Variants in INPP4B observed in about 807,000 individuals in gnomAD.
The protein encoded by INPP4B is inositol polyphosphate-4-phosphatase type II B.
A neutral mutation model predicts 122.5 loss-of-function variants in INPP4B; 55 were observed. The observed-to-expected ratio is 0.45, with a 90% CI of 0.36 to 0.56. The LOEUF (loss-of-function observed/expected upper bound fraction) is 0.56, where lower values mean the gene tolerates loss of function less well. Ranked by LOEUF, INPP4B falls within the 20% of genes least tolerant of loss-of-function variation. The pLI, the probability that INPP4B is intolerant of heterozygous loss-of-function variation, is 0.00. For synonymous variants in INPP4B, 403 were observed against 388.7 expected (o/e 1.04, Z -0.43); for missense variants, 1,000 against 1,097.7 (o/e 0.91, Z 1.26).
intron 2 of INPP4B, chr4:142,560,316 C>T (rs1730178435): frequency 6.6e-6 from 1 of 152,192 alleles, no homozygotes; most frequent in Admixed American, 6.5e-5. Flanking sequence ...AATCAGGCTC[C>T]TCTGTGGAAT....
intron 2 of INPP4B, among the ~76,000 whole-genome samples, chr4:142,662,379 A>G (rs1461350705): frequency 6.6e-6 from 1 of 152,158 alleles, no homozygotes; most frequent in East Asian, 1.9e-4. Context: ...CACCTATATT[A>G]CCTTTGAGGT....
chr4:142,033,664 TTTCA>T (rs1356779033), intron 25 of INPP4B, among the ~76,000 whole-genome samples: 2 of 109,878 alleles, frequency 1.8e-5, no homozygotes, highest in South Asian at 3.0e-4. Context: ...AAGTTCTCCA[TTTCA>T]TTTTTTTTTT....
chr4:142,036,147 T>C (rs1166525908), intron 25 of INPP4B, among the ~76,000 whole-genome samples: 2 of 151,998 alleles, frequency 1.3e-5, no homozygotes, highest in Non-Finnish European at 2.9e-5. Flanking sequence ...TAATTGAAAA[T>C]GTGGGGTATT....
intron 2 of INPP4B, among the ~76,000 whole-genome samples, chr4:142,581,548 C>A (rs1276045207): frequency 2.9e-5 from 1 of 34,194 alleles, no homozygotes; most frequent in Admixed American, 3.8e-4. Context: ...ATAGAAGTTC[C>A]ATTTCTATCT....
chr4:142,823,060 C>A (rs780919976), intron 1 of INPP4B, among the ~76,000 whole-genome samples: 2 of 152,128 alleles, frequency 1.3e-5, no homozygotes, highest in African/African-American at 4.8e-5. Context: ...GGGTGACACA[C>A]TGGCAGTAAA....
intron 7 of INPP4B, among the ~76,000 whole-genome samples, chr4:142,342,973 C>G (rs1049800605): frequency 2.6e-4 from 40 of 152,062 alleles, no homozygotes; most frequent in Admixed American, 2.6e-3. Flanking sequence ...TAAGTGAATG[C>G]TATCATAAAG....
intron 1 of INPP4B, among the ~76,000 whole-genome samples, chr4:142,824,793 C>A (rs1290640048): frequency 7.1e-6 from 1 of 141,144 alleles, no homozygotes; most frequent in African/African-American, 3.0e-5. Context: ...TAAAAAGGAT[C>A]CTTTTTTGTT....
chr4:142,643,870 T>C (rs1438249534), intron 2 of INPP4B, among the ~76,000 whole-genome samples: 1 of 152,124 alleles, frequency 6.6e-6, no homozygotes, highest in South Asian at 2.1e-4. Flanking sequence ...TCAAGAAAAC[T>C]GAAACAATAG....
At chr4:142,762,108 A>G (rs1253063841) in intron 1 of INPP4B, among the ~76,000 whole-genome samples, 1 of 152,130 alleles carries the variant, frequency 6.6e-6, no homozygotes, top group Non-Finnish European at 1.5e-5. Flanking sequence ...AAATGCCCAC[A>G]CACCAGGCTT....
intron 1 of INPP4B, among the ~76,000 whole-genome samples, chr4:142,837,159 AAATAATAAT>A (rs150797757): frequency 9.5e-4 from 141 of 149,068 alleles, no homozygotes; most frequent in Non-Finnish European, 9.0e-4. Context: ...ACAGTCTCAA[AAATAATAAT>A]AATAATAATA....
At chr4:142,549,400 G>T (rs906146245) in intron 2 of INPP4B, among the ~76,000 whole-genome samples, 10 of 152,110 alleles carry the variant, frequency 6.6e-5, no homozygotes, top group African/African-American at 2.2e-4. Flanking sequence ...GTCCAGAGAA[G>T]ATTTAGGAGA....
At chr4:142,670,921 A>G (rs1053151968) in intron 2 of INPP4B, among the ~76,000 whole-genome samples, 1 of 152,140 alleles carries the variant, frequency 6.6e-6, no homozygotes, top group African/African-American at 2.4e-5. Flanking sequence ...AGTTCATACA[A>G]TTTTATCTAT....
chr4:142,239,494 ATATT>A (rs1858231159), intron 11 of INPP4B, among the ~76,000 whole-genome samples: 2 of 152,178 alleles, frequency 1.3e-5, no homozygotes, highest in African/African-American at 2.4e-5. Flanking sequence ...TACAGAATAT[ATATT>A]TAGAGTTCAT....
At chr4:142,584,459 C>G (rs116364033) in intron 2 of INPP4B, among the ~76,000 whole-genome samples, 2,146 of 152,258 alleles carry the variant, frequency 0.014, 40 homozygotes, top group African/African-American at 0.041. Flanking sequence ...CCTCTTGTCT[C>G]TGACTTTCTC....
intron 1 of INPP4B, among the ~76,000 whole-genome samples, chr4:142,819,231 T>C (rs949010614): frequency 6.6e-6 from 1 of 152,164 alleles, no homozygotes; most frequent in African/African-American, 2.4e-5. Context: ...ACAATTTCCC[T>C]TTCAAAGACA....
rs1167559725 is a variant in INPP4B at position 142,145,710 on chromosome 4, G to A, written c.1720+130C>T. On this transcript the variant is annotated intron_variant, in intron 18 of 25. Coordinates refer to ENST00000262992, the MANE Select transcript of INPP4B (RefSeq NM_001101669.3). ...GCCTTCCATCATCCAAGCCAGAGCA[G>A]TGGAAAAGCATGCTATCAGCACTCT... 8.2e-6 allele frequency: 7 copies of A among 854,170 alleles called. No homozygotes were observed. In the South Asian group the frequency reaches 1.2e-4, roughly 15 times the overall value. 52.9% of individuals were successfully genotyped at this position (854,170 alleles called of 1,614,324 possible). A position where few individuals can be genotyped will look rare whatever the true frequency, so the allele number is the denominator to read the frequency against.
chr4:142,721,154 A>C (rs1249263165), intron 2 of INPP4B, among the ~76,000 whole-genome samples: 1 of 151,932 alleles, frequency 6.6e-6, no homozygotes, highest in Non-Finnish European at 1.5e-5. Flanking sequence ...CAATTCCCTC[A>C]AAGACTTTAG....
intron 7 of INPP4B, among the ~76,000 whole-genome samples, chr4:142,396,437 T>C (rs1799399939): frequency 6.6e-6 from 1 of 151,948 alleles, no homozygotes; most frequent in Non-Finnish European, 1.5e-5. Flanking sequence ...CCCACTAAAA[T>C]AGCTAAGTGG....
chr4:142,208,488 A>G lies in INPP4B; in HGVS notation c.1009T>C (p.Leu337=). 8 of 1,602,544 alleles carry G rather than the reference A, an allele frequency of 5.0e-6. No homozygotes were observed. The highest frequency in any genetic ancestry group is 6.8e-6 in the Non-Finnish European group (8 of 1,174,162). The change falls in exon 14 of 26, where the codon TTA becomes CTA. Residue 337 remains leucine (L), a synonymous_variant. Transcript: ENST00000262992. The stretch of plus-strand genomic sequence containing the variant: ...TGTAGATTTATTGGAACAAATTCTA[A>G]TGTTTTCTCTCCTTTGCTGCTGCTT... ...KSSSSKGEKT[L]EFVPINLHLQ... is the part of the protein sequence containing the mutation.
Sources: allele counts gnomAD v4.1 joint callset (sites outside exome capture counted in the v4.1 genomes callset), GRCh38; gene constraint gnomAD v4.1.1; transcripts MANE v1.5; gene names NCBI Gene and HGNC (gene_info 2026-07-23, HGNC 2026-07-21).